The following PNPLA8 variants were observed in gnomAD, a reference collection of about 807,000 sequenced individuals.
PNPLA8 encodes the protein calcium-independent phospholipase A2-gamma.
PNPLA8 carries 39 observed loss-of-function variants against 76.9 expected under a neutral mutation model. The ratio of observed to expected loss-of-function variants is 0.51; its 90% CI spans 0.39 to 0.66. The LOEUF is 0.66. Among genes scored for constraint, PNPLA8 ranks in the 30% least tolerant of loss-of-function variants. The probability of loss-of-function intolerance (pLI) is 0.00; values close to 1 mark genes in which losing one functional copy is unlikely to be tolerated. For missense variants in PNPLA8, 887 were observed against 918.0 expected (o/e 0.97, Z 0.44); for synonymous variants, 301 against 307.9 (o/e 0.98, Z 0.24).
intron 4 of PNPLA8, chr7:108,510,661 C>T (rs1598949958): frequency 1.9e-6 from 3 of 1,593,662 alleles, no homozygotes; most frequent in East Asian, 2.2e-5. Flanking sequence ...CATGGGGGTA[C>T]CCCAATCTGA....
At chr7:108,510,948 T>A (rs1485360895) in intron 4 of PNPLA8, 113 of 1,564,662 alleles carry the variant, frequency 7.2e-5, no homozygotes, top group Non-Finnish European at 1.7e-5. Context: ...GAGGACCAGA[T>A]CAACAGGCTT....
Position 108,514,969 on chromosome 7 carries a change from T to A in PNPLA8, c.523A>T (p.Ser175Cys). 6.2e-7 allele frequency: 1 copy of A among 1,609,422 alleles called. No homozygotes were observed. The highest frequency in any genetic ancestry group is 1.3e-5 in the African/African-American group (1 of 74,974). ...TCTTCTTCTTTGTCTATAATGTGAC[T>A]TTTCTCTTCTGGAAAAGGACTCTTT... ...AEKSPFPEEK[S>C]HIIDKEEDIG... The change falls in exon 3 of 11, where the codon AGT becomes TGT. Residue 175 changes from serine (S) to cysteine (C), a missense_variant. Ser to Cys is a moderately radical substitution (Grantham distance 112). Transcript: ENST00000257694.
In PNPLA8 at chr7:108,472,341, A is replaced by G. The variant is rs1297390805; in HGVS notation, c.*60T>C. On this transcript the variant is annotated 3_prime_UTR_variant, in exon 11 of 11. Transcript: ENST00000257694. ...CTCATGTCGAACCCCACAATTCCTTATTGAATGTGGTTGATCTTCTAAACA... is the reference window on the plus strand; with the variant it reads ...CTCATGTCGAACCCCACAATTCCTTGTTGAATGTGGTTGATCTTCTAAACA... 1 of 1,186,656 alleles carries G rather than the reference A, an allele frequency of 8.4e-7. No homozygotes were observed. The highest frequency in any genetic ancestry group is 1.2e-6 in the Non-Finnish European group (1 of 842,046). The allele number at this position is 1,186,656 out of a possible 1,614,324, so 73.5% of individuals were successfully genotyped here.
At chr7:108,479,636 G>T in intron 9 of PNPLA8, 1 of 475,288 alleles carries the variant, frequency 2.1e-6, no homozygotes, top group Non-Finnish European at 3.8e-6. Context: ...AAAAAATATT[G>T]AAATGAACGA....
chr7:108,505,333 TATATATATATATATATA>T (rs1862306710), intron 4 of PNPLA8, among the ~76,000 whole-genome samples: 15 of 9,880 alleles, frequency 1.5e-3, no homozygotes, highest in African/African-American at 2.7e-3. Flanking sequence ...TATATATATA[TATATATATATATATATA>T]TATTTTTTTT....
In PNPLA8 at chr7:108,510,028, G is replaced by A. The variant is rs40866; in HGVS notation, c.1206+4116C>T. Among the ~76,000 whole-genome samples the A allele has an allele frequency of 9.1e-4, 114 of 124,680 alleles. 2 individuals are homozygous for A. Among genetic ancestry groups the A allele is most frequent in the Non-Finnish European group, 3.0e-4 (18 of 59,976 alleles). The allele number at this position is 124,680 out of a possible 152,430, so 81.8% of individuals were successfully genotyped here. On this transcript the variant is annotated intron_variant, in intron 4 of 10. Transcript: ENST00000257694. ...AATATCACACTCTGGGGACTGTGGT[G>A]GGGTGGGGGGAGGGGGGAGGGATAG...
chr7:108,514,880 G>A lies in PNPLA8; in HGVS notation c.612C>T (p.Phe204=). ...AATTAATATGATTTGATAAAAAGTA[G>A]AATGAGTCTCCAAATTTTGTGGTTA... ...SSITTKFGDS[F]YFLSNHINSY... Residue 204 remains phenylalanine, a synonymous_variant, in exon 3 of 11, where the codon TTC becomes TTT. Transcript: ENST00000257694. 1 of 1,607,676 alleles carries A rather than the reference G, an allele frequency of 6.2e-7. No homozygotes were observed. The highest frequency in any genetic ancestry group is 8.5e-7 in the Non-Finnish European group (1 of 1,175,932).
At position 108,491,514 on chromosome 7, in the gene PNPLA8, T is replaced by G. The variant is rs1377927488; in HGVS notation, c.1626-47A>C. Reference sequence around the variant, plus strand: ...TAAGTTATATCAAAATGACTTTATCTCCTAACAACCAGGAAACATACAGTA... The same window carrying G: ...TAAGTTATATCAAAATGACTTTATCGCCTAACAACCAGGAAACATACAGTA... On this transcript the variant is annotated intron_variant, in intron 7 of 10. Coordinates refer to ENST00000257694, the MANE Select transcript of PNPLA8 (RefSeq NM_001256007.3). 5.1e-6 allele frequency: 6 copies of G among 1,170,748 alleles called. No homozygotes were observed. The South Asian group carries it at 7.4e-5, about 14-fold the overall frequency. The allele number at this position is 1,170,748 out of a possible 1,614,324, so 72.5% of individuals were successfully genotyped here.
At chr7:108,475,686 C>T (rs1284095659) in intron 10 of PNPLA8, among the ~76,000 whole-genome samples, 1 of 151,840 alleles carries the variant, frequency 6.6e-6, no homozygotes, top group East Asian at 1.9e-4. Context: ...ATTTTGTTTC[C>T]ACAACTCCCA....
chr7:108,499,431 G>GT (rs1563959453), intron 5 of PNPLA8, among the ~76,000 whole-genome samples: 1 of 152,174 alleles, frequency 6.6e-6, no homozygotes, highest in Non-Finnish European at 1.5e-5. Flanking sequence ...CAAAGACAGG[G>GT]TTTTTTATTT....
At chr7:108,507,269 G>A (rs1034548159) in intron 4 of PNPLA8, among the ~76,000 whole-genome samples, 5 of 149,588 alleles carry the variant, frequency 3.3e-5, no homozygotes, top group East Asian at 2.0e-4. Flanking sequence ...CTTGAACCCC[G>A]GAGGTGGAGG....
intron 2 of PNPLA8, among the ~76,000 whole-genome samples, chr7:108,515,967 C>T (rs542824610): frequency 6.6e-6 from 1 of 152,268 alleles, no homozygotes; most frequent in Admixed American, 6.5e-5. Flanking sequence ...AAGGTCAGGT[C>T]TTATACATTA....
intron 10 of PNPLA8, among the ~76,000 whole-genome samples, chr7:108,476,976 A>G (rs1383196308): frequency 6.6e-6 from 1 of 152,204 alleles, no homozygotes; most frequent in African/African-American, 2.4e-5. Flanking sequence ...GTTGCCAGAC[A>G]CTGGGGAGTA....
chr7:108,480,554 T>C (rs1196512632), intron 9 of PNPLA8, among the ~76,000 whole-genome samples: 1 of 152,198 alleles, frequency 6.6e-6, no homozygotes, highest in Non-Finnish European at 1.5e-5. Context: ...ATTTTTGATG[T>C]CACTGGTGCT....
intron 2 of PNPLA8, among the ~76,000 whole-genome samples, chr7:108,517,907 G>C (rs1863456735): frequency 6.6e-6 from 1 of 152,108 alleles, no homozygotes; most frequent in Non-Finnish European, 1.5e-5. Flanking sequence ...CCAAGTAGCT[G>C]GGACTACAGG....
At chr7:108,505,385 A>G (rs1862344621) in intron 4 of PNPLA8, among the ~76,000 whole-genome samples, 1 of 58,780 alleles carries the variant, frequency 1.7e-5, no homozygotes, top group Non-Finnish European at 2.7e-5. Flanking sequence ...TTTTTTTGAG[A>G]CGGAGTCTCA....
At chr7:108,506,824 G>A (rs569874153) in intron 4 of PNPLA8, among the ~76,000 whole-genome samples, 2 of 152,202 alleles carry the variant, frequency 1.3e-5, no homozygotes, top group African/African-American at 2.4e-5. Context: ...ACCTTTTTGG[G>A]AACAGTATTT....
intron 5 of PNPLA8, among the ~76,000 whole-genome samples, chr7:108,500,824 TG>T (rs1378915529): frequency 6.6e-6 from 1 of 151,906 alleles, no homozygotes; most frequent in Non-Finnish European, 1.5e-5. Flanking sequence ...GCAGGAGAAC[TG>T]ATCAGTTGAA....
At chr7:108,472,717 AGG>A in intron 10 of PNPLA8, 42 bp from the exon 11 acceptor site, 1 of 1,403,416 alleles carries the variant, frequency 7.1e-7, no homozygotes, top group Non-Finnish European at 9.6e-7. Flanking sequence ...ATAAGAAAAG[AGG>A]GGATAAAGTG....
Sources: allele counts gnomAD v4.1 joint callset (sites outside exome capture counted in the v4.1 genomes callset), GRCh38; gene constraint gnomAD v4.1.1; transcripts MANE v1.5; gene names NCBI Gene and HGNC (gene_info 2026-07-23, HGNC 2026-07-21).